Variants in SNTG2 observed in about 807,000 individuals in gnomAD.
The protein encoded by SNTG2 is syntrophin gamma 2.
A neutral mutation model predicts 70.9 loss-of-function variants in SNTG2; 74 were observed. The observed-to-expected ratio is 1.04, with a 90% CI of 0.86 to 1.27. SNTG2 has a LOEUF of 1.27. Among genes scored for constraint, SNTG2 ranks in the 50% most tolerant of loss-of-function variants. The pLI is 0.00. For synonymous variants in SNTG2, 278 were observed against 273.8 expected, an observed-to-expected ratio of 1.02 and a Z score of -0.15; for missense variants, 717 against 690.7, an observed-to-expected ratio of 1.04 and a Z score of -0.43.
intron 6 of SNTG2, among the ~76,000 whole-genome samples, chr2:1,153,835 G>A (rs4452187): frequency 0.072 from 10,891 of 152,278 alleles, 568 homozygotes; most frequent in South Asian, 0.18. Context: ...AAAAATCAAA[G>A]TGCATCAGCT....
At chr2:1,222,486 A>AAGCGGCGC (rs2148045591) in intron 9 of SNTG2, among the ~76,000 whole-genome samples, 3 of 141,426 alleles carry the variant, frequency 2.1e-5, no homozygotes, top group South Asian at 2.2e-4. Context: ...CTGTAGAGGA[A>AAGCGGCGC]AGTGGTGCAG....
chr2:1,136,250 C>G (rs780323391), intron 4 of SNTG2, among the ~76,000 whole-genome samples: 3 of 151,706 alleles, frequency 2.0e-5, no homozygotes, highest in Non-Finnish European at 4.4e-5. Flanking sequence ...CAGGATGCAG[C>G]CTACCCTCGT....
At chr2:1,133,256 T>C (rs952618494) in intron 4 of SNTG2, among the ~76,000 whole-genome samples, 4 of 152,252 alleles carry the variant, frequency 2.6e-5, no homozygotes, top group African/African-American at 9.6e-5. Flanking sequence ...TATCATTATA[T>C]AACACTACCC....
intron 13 of SNTG2, among the ~76,000 whole-genome samples, chr2:1,264,103 G>T (rs1448895029): frequency 2.0e-5 from 3 of 152,198 alleles, no homozygotes; most frequent in Non-Finnish European, 2.9e-5. Flanking sequence ...AAACTGTGTA[G>T]CTTAAAAATA....
At position 1,213,060 on chromosome 2, in the gene SNTG2, A is replaced by C. The variant is rs374057276; in HGVS notation, c.719+3830A>C. On this transcript the variant is annotated intron_variant, in intron 9 of 16. Coordinates refer to ENST00000308624, the MANE Select transcript of SNTG2 (RefSeq NM_018968.4). ...TGTCCTTGTCCAAGTATAGGACCTC[A>C]ATCTATAACCACTACCTTCTGGGTC... Among the ~76,000 whole-genome samples, 8 of 152,348 alleles carry C rather than the reference A, an allele frequency of 5.3e-5. No individual in the cohort carries two copies. The South Asian group carries it at 1.7e-3, about 32-fold the overall frequency.
chr2:1,104,298 G>C (rs1003554242), intron 4 of SNTG2, among the ~76,000 whole-genome samples: 73 of 152,250 alleles, frequency 4.8e-4, no homozygotes, highest in African/African-American at 1.7e-3. Context: ...GTGTTGCCTA[G>C]GGTTAATAAC....
intron 14 of SNTG2, among the ~76,000 whole-genome samples, chr2:1,274,728 C>A (rs1270081632): frequency 6.6e-6 from 1 of 152,180 alleles, no homozygotes; most frequent in Non-Finnish European, 1.5e-5. Flanking sequence ...AGGAGCATGA[C>A]CATTGCACAT....
At chr2:1,177,440 A>G (rs909560949) in intron 8 of SNTG2, among the ~76,000 whole-genome samples, 3 of 152,024 alleles carry the variant, frequency 2.0e-5, no homozygotes, top group African/African-American at 4.8e-5. Flanking sequence ...ACGTTTACCA[A>G]TGTAACAAAC....
intron 8 of SNTG2, among the ~76,000 whole-genome samples, chr2:1,193,855 A>G (rs1177860480): frequency 6.6e-6 from 1 of 152,254 alleles, no homozygotes; most frequent in East Asian, 1.9e-4. Flanking sequence ...CATGAAAACA[A>G]AACAAAACAA....
At chr2:1,062,802 C>T (rs1487088769) in intron 1 of SNTG2, among the ~76,000 whole-genome samples, 4 of 152,082 alleles carry the variant, frequency 2.6e-5, no homozygotes, top group Admixed American at 1.3e-4. Context: ...AAATGTCAAC[C>T]TACACTTCAT....
chr2:992,366 G>T (rs1160716122), intron 1 of SNTG2, among the ~76,000 whole-genome samples: 1 of 152,088 alleles, frequency 6.6e-6, no homozygotes, highest in East Asian at 1.9e-4. Flanking sequence ...GAAATTAAAT[G>T]AAACAGATGT....
At chr2:1,279,549 C>T (rs911558968) in intron 14 of SNTG2, among the ~76,000 whole-genome samples, 1 of 152,200 alleles carries the variant, frequency 6.6e-6, no homozygotes, top group Non-Finnish European at 1.5e-5. Context: ...CTGTTTTGGT[C>T]TTTCTGAAGG....
intron 1 of SNTG2, among the ~76,000 whole-genome samples, chr2:1,053,278 A>G (rs1662176097): frequency 1.3e-5 from 2 of 151,946 alleles, no homozygotes; most frequent in African/African-American, 4.9e-5. Context: ...TGAGTTTTTC[A>G]TTATATGCTA....
Position 1,335,238 on chromosome 2 carries a change from G to A in SNTG2, c.1488+18863G>A, listed in dbSNP as rs1019723726. On this transcript the variant is annotated intron_variant, in intron 16 of 16. Coordinates refer to ENST00000308624, the MANE Select transcript of SNTG2 (RefSeq NM_018968.4). ...GACAGATGCTCCGTAAATGTTTCCT[G>A]CAATTAACCATGCTTTGAGAAACTT... 2.0e-5 allele frequency among the ~76,000 whole-genome samples: 3 copies of A among 152,118 alleles called. No individual in the cohort carries two copies. In the South Asian group the frequency reaches 6.2e-4, roughly 32 times the overall value.
chr2:1,074,930 G>A (rs550488576), intron 1 of SNTG2, among the ~76,000 whole-genome samples: 4 of 152,230 alleles, frequency 2.6e-5, no homozygotes, highest in South Asian at 2.1e-4. Flanking sequence ...TCAGTTTTAC[G>A]TGTGTAATCT....
intron 4 of SNTG2, among the ~76,000 whole-genome samples, chr2:1,121,147 A>G (rs111316772): frequency 3.4e-4 from 51 of 152,224 alleles, no homozygotes; most frequent in African/African-American, 1.1e-3. Context: ...ATTGCCCTGA[A>G]CAATCAATGG....
intron 1 of SNTG2, among the ~76,000 whole-genome samples, chr2:1,021,112 T>G (rs1660145779): frequency 6.6e-6 from 1 of 152,188 alleles, no homozygotes; most frequent in Non-Finnish European, 1.5e-5. Flanking sequence ...AATCGTGTTT[T>G]GATCTCTTCC....
intron 9 of SNTG2, among the ~76,000 whole-genome samples, chr2:1,220,556 C>T (rs1292243808): frequency 6.6e-6 from 1 of 152,246 alleles, no homozygotes; most frequent in Non-Finnish European, 1.5e-5. Context: ...AACCCCACAG[C>T]CCTGCTGGCT....
At chr2:981,548 T>TGC (rs1290491487) in intron 1 of SNTG2, among the ~76,000 whole-genome samples, 1 of 152,016 alleles carries the variant, frequency 6.6e-6, no homozygotes, top group Non-Finnish European at 1.5e-5. Context: ...AGCACACACA[T>TGC]GCACACACAC....
Sources: gnomAD v4.1 joint callset for allele counts (sites outside exome capture counted in the v4.1 genomes callset) on GRCh38, gnomAD v4.1.1 for gene constraint, MANE v1.5 for transcripts, NCBI Gene and HGNC (gene_info 2026-07-23, HGNC 2026-07-21) for gene names.